The following SLC26A8 variants were observed in gnomAD, a reference collection of about 807,000 sequenced individuals.
The protein encoded by SLC26A8 is solute carrier family 26 member 8.
A neutral mutation model predicts 105.0 loss-of-function variants in SLC26A8; 70 were observed. The ratio of observed to expected loss-of-function variants is 0.67; its 90% CI spans 0.55 to 0.81. The LOEUF is 0.81. SLC26A8 is among the 40% of genes least tolerant of loss of function. SLC26A8 has a pLI of 0.00. For synonymous variants in SLC26A8, 415 were observed against 438.3 expected, an observed-to-expected ratio of 0.95 and a Z score of 0.66; for missense variants, 998 against 1,181.8, an observed-to-expected ratio of 0.84 and a Z score of 2.28.
chr6:35,958,063 C>G (rs1007552805), intron 16 of SLC26A8, among the ~76,000 whole-genome samples: 1 of 152,182 alleles, frequency 6.6e-6, no homozygotes, highest in African/African-American at 2.4e-5. Context: ...CGAAGCCTGT[C>G]CATGGACTGG....
Position 35,943,675 on chromosome 6 carries a change from G to A in SLC26A8, c.*225C>T. On this transcript the variant is annotated 3_prime_UTR_variant, in exon 20 of 20. Coordinates refer to ENST00000490799, the MANE Select transcript of SLC26A8 (RefSeq NM_052961.4). ...GAATATATGCTGAAGGTGAAATGAG[G>A]GGAGCCTGGATAGGGAATTCAGAGA... 1 of 570,818 alleles carries A rather than the reference G, an allele frequency of 1.8e-6. No individual in the cohort carries two copies. Among genetic ancestry groups the A allele is most frequent in the South Asian group, 2.7e-5 (1 of 37,560 alleles). The allele number at this position is 570,818 out of a possible 1,614,324, so 35.4% of individuals were successfully genotyped here.
chr6:36,003,871 C>G (rs1179121842), intron 3 of SLC26A8, among the ~76,000 whole-genome samples: 1 of 151,926 alleles, frequency 6.6e-6, no homozygotes, highest in Non-Finnish European at 1.5e-5. Flanking sequence ...CCATGTTAGC[C>G]AGGATGGTCT....
intron 2 of SLC26A8, among the ~76,000 whole-genome samples, chr6:36,017,933 A>C (rs535401854): frequency 6.6e-6 from 1 of 152,358 alleles, no homozygotes; most frequent in South Asian, 2.1e-4. Context: ...CATCACCTTT[A>C]GTCATCAGGA....
chr6:35,953,509 C>T (rs1581625481), intron 17 of SLC26A8, among the ~76,000 whole-genome samples: 2 of 152,294 alleles, frequency 1.3e-5, no homozygotes, highest in East Asian at 1.9e-4. Flanking sequence ...GTGCCCAGCT[C>T]AGTCTGGCAC....
chr6:35,970,506 A>G (rs564290357), intron 10 of SLC26A8, among the ~76,000 whole-genome samples: 90 of 152,322 alleles, frequency 5.9e-4, no homozygotes, highest in African/African-American at 2.0e-3. Context: ...TGGAACTGAG[A>G]CAGGTAACCC....
chr6:35,951,768 G>A (rs1336624412), intron 17 of SLC26A8, among the ~76,000 whole-genome samples: 3 of 152,174 alleles, frequency 2.0e-5, no homozygotes, highest in African/African-American at 7.2e-5. Flanking sequence ...AATAGAGACA[G>A]GGTTTCACCA....
intron 3 of SLC26A8, among the ~76,000 whole-genome samples, chr6:36,003,003 C>T (rs538502041): frequency 1.2e-4 from 19 of 152,258 alleles, no homozygotes; most frequent in Middle Eastern, 3.4e-3. Context: ...TGTGACTGGC[C>T]GCTTTTCAAA....
intron 5 of SLC26A8, among the ~76,000 whole-genome samples, chr6:35,993,720 CT>C (rs1177710826): frequency 6.6e-6 from 1 of 151,984 alleles, no homozygotes; most frequent in Non-Finnish European, 1.5e-5. Flanking sequence ...AGATGTTCGT[CT>C]TTTATAATAA....
intron 7 of SLC26A8, chr6:35,989,423 T>G (rs1201613108): frequency 6.6e-6 from 1 of 152,242 alleles, no homozygotes; most frequent in Non-Finnish European, 1.5e-5. Flanking sequence ...ACACAATGTG[T>G]GTGTGTATCT....
intron 10 of SLC26A8, among the ~76,000 whole-genome samples, chr6:35,971,254 G>T (rs1039821046): frequency 6.6e-6 from 1 of 152,240 alleles, no homozygotes; most frequent in Non-Finnish European, 1.5e-5. Flanking sequence ...CTCAGCCTCA[G>T]TGCCTGAACA....
At chr6:36,000,301 T>G (rs529290339) in intron 3 of SLC26A8, among the ~76,000 whole-genome samples, 193 bp from the exon 4 acceptor site, 17 of 152,344 alleles carry the variant, frequency 1.1e-4, no homozygotes, top group African/African-American at 3.6e-4. Flanking sequence ...CTCTTCCTAT[T>G]TTGCCACATG....
rs761861209 is a variant in SLC26A8 at position 35,944,214 on chromosome 6, C to G, written c.2599G>C (p.Glu867Gln). ...ESELDLELES[E>Q]QEAGLGLDLD... ...TCCAGACCCAGCCCAGCCTCTTGTT[C>G]TGATTCCAGCTCCAAATCCAACTCC... The change falls in exon 20 of 20, where the codon GAA becomes CAA. Residue 867 changes from glutamate (E) to glutamine (Q), a missense_variant. Glu to Gln is a conservative substitution (Grantham distance 29, BLOSUM62 2). Coordinates refer to ENST00000490799, the MANE Select transcript of SLC26A8 (RefSeq NM_052961.4). 6.2e-7 allele frequency: 1 copy of G among 1,614,060 alleles called. No individual in the cohort carries two copies. Among genetic ancestry groups the G allele is most frequent in the East Asian group, 2.2e-5 (1 of 44,878 alleles).
At chr6:36,007,681 C>T (rs1761727892) in intron 3 of SLC26A8, among the ~76,000 whole-genome samples, 1 of 152,118 alleles carries the variant, frequency 6.6e-6, no homozygotes, top group Non-Finnish European at 1.5e-5. Flanking sequence ...AACCTTAAAA[C>T]TCACTGTCAA....
intron 17 of SLC26A8, among the ~76,000 whole-genome samples, chr6:35,951,811 C>T (rs1010674261): frequency 5.9e-5 from 9 of 152,188 alleles, no homozygotes; most frequent in South Asian, 2.1e-4. Flanking sequence ...CTCCTGACTT[C>T]GTGATCTGCC....
intron 12 of SLC26A8, 118 bp downstream of exon 12, chr6:35,962,408 G>A: frequency 6.3e-6 from 5 of 792,042 alleles, no homozygotes; most frequent in Middle Eastern, 3.7e-4. Context: ...GGAGTACTAG[G>A]CATCAAAGAG....
intron 3 of SLC26A8, among the ~76,000 whole-genome samples, chr6:36,000,876 C>T (rs1761500769): frequency 6.6e-6 from 1 of 152,232 alleles, no homozygotes; most frequent in African/African-American, 2.4e-5. Context: ...CCATCATCCA[C>T]TTCAACAATG....
At chr6:36,009,212 G>A (rs1403921410) in intron 3 of SLC26A8, among the ~76,000 whole-genome samples, 3 of 152,136 alleles carry the variant, frequency 2.0e-5, no homozygotes, top group African/African-American at 7.2e-5. Context: ...TTAGCTGGGT[G>A]TGGTGGCGTG....
chr6:36,015,050 G>A (rs577435525), intron 2 of SLC26A8, among the ~76,000 whole-genome samples: 4 of 151,802 alleles, frequency 2.6e-5, no homozygotes, highest in South Asian at 4.2e-4. Flanking sequence ...AGGTCACAAG[G>A]CTGAAAAGCA....
At chr6:36,010,109 T>C (rs1342586783) in intron 3 of SLC26A8, among the ~76,000 whole-genome samples, 1 of 152,142 alleles carries the variant, frequency 6.6e-6, no homozygotes, top group East Asian at 1.9e-4. Context: ...CTTAGTAAAA[T>C]GAAAACTATG....
Sources: allele counts gnomAD v4.1 joint callset (sites outside exome capture counted in the v4.1 genomes callset), GRCh38; gene constraint gnomAD v4.1.1; transcripts MANE v1.5; gene names NCBI Gene and HGNC (gene_info 2026-07-23, HGNC 2026-07-21).